Variants in GPBAR1 observed in about 807,000 individuals in gnomAD.
GPBAR1 encodes the protein G-protein coupled bile acid receptor 1.
In GPBAR1, 13 loss-of-function variants were observed where a neutral mutation model predicts 13.0. The observed-to-expected ratio is 1.00, with a 90% CI of 0.65 to 1.59. GPBAR1 has a LOEUF of 1.59. Ranked by LOEUF, GPBAR1 falls within the 40% of genes most tolerant of loss-of-function variation. GPBAR1 has a pLI of 0.00. For missense variants in GPBAR1, 398 were observed against 436.4 expected, an observed-to-expected ratio of 0.91 and a Z score of 0.78; for synonymous variants, 193 against 205.2, an observed-to-expected ratio of 0.94 and a Z score of 0.51.
Position 218,263,161 on chromosome 2 carries a change from G to A in GPBAR1, c.437G>A (p.Trp146Ter). ...LLFASLPALG[W>*]NHWTPGANCS... ...TTTGCCAGTCTGCCCGCTCTGGGGTGGAACCACTGGACCCCTGGTGCCAAC... is the reference window on the plus strand; with the variant it reads ...TTTGCCAGTCTGCCCGCTCTGGGGTAGAACCACTGGACCCCTGGTGCCAAC... Residue 146 changes from tryptophan (W) to a stop codon, truncating the protein, a stop_gained, in exon 2 of 2, where the codon TGG (tryptophan) becomes TAG (stop). Coordinates refer to ENST00000519574, the MANE Select transcript of GPBAR1 (RefSeq NM_170699.3). LOFTEE classifies it high-confidence loss of function. This position sits in a 1 kb window ranked among gnomAD's most constrained non-coding sequence, Gnocchi z 4.2. 2 of 1,611,224 alleles carry A rather than the reference G, an allele frequency of 1.2e-6. No individual in the cohort carries two copies. Among genetic ancestry groups the A allele is most frequent in the Non-Finnish European group, 8.5e-7 (1 of 1,179,844 alleles).
chr2:218,259,825 C>T (rs1199044075), upstream of GPBAR1: 1 of 152,324 alleles, frequency 6.6e-6, no homozygotes, highest in Non-Finnish European at 1.5e-5. Context: ...TGTTCCCTCC[C>T]ATTTCAGGCC....
At position 218,262,474 on chromosome 2, in the gene GPBAR1, T is replaced by C. The variant is rs1690450833; in HGVS notation, c.-45-206T>C. The C allele has an allele frequency of 5.5e-6, 3 of 544,276 alleles. No individual in the cohort carries two copies. The highest frequency in any genetic ancestry group is 3.1e-5 in the East Asian group (1 of 32,760). 33.7% of individuals were successfully genotyped at this position (544,276 alleles called of 1,614,324 possible). On this transcript the variant is annotated intron_variant, in intron 1 of 1. Coordinates refer to ENST00000519574, the MANE Select transcript of GPBAR1 (RefSeq NM_170699.3). The surrounding 1 kb of genome is among the most constrained non-coding windows in gnomAD (Gnocchi z 5.1). ...GCTGGTTGCTACCACACAGGACATA[T>C]GTGTTGCCAGACCTGAATTTTCAAT... is the stretch of plus-strand genomic sequence containing the variant.
rs1690519992 is a variant in GPBAR1, at chr2:218,263,500, CT to C, written c.777del (p.Thr261HisfsTer8). ...TATGAGCAGCGCCCGCCACTGGGGC[CT>C]GGGACACTGTTGTCCCTCCTCTCCC... Reference protein sequence around the residue: ...LAYEQRPPLGPGTLLSLLSLG... With the variant: ...LAYEQRPPLGXGTLLSLLSLG... On this transcript the variant is annotated frameshift_variant, in exon 2 of 2. Coordinates refer to ENST00000519574, the MANE Select transcript of GPBAR1 (RefSeq NM_170699.3). LOFTEE classifies it high-confidence loss of function. This position sits in a 1 kb window ranked among gnomAD's most constrained non-coding sequence, Gnocchi z 4.2. 1.2e-6 allele frequency: 2 copies of C among 1,611,120 alleles called. No individual in the cohort carries two copies.
chr2:218,263,449 C>A lies in GPBAR1; in HGVS notation c.725C>A (p.Ala242Asp). The A allele has an allele frequency of 6.2e-7, 1 of 1,603,864 alleles. No homozygotes were observed. Among genetic ancestry groups the A allele is most frequent in the South Asian group, 1.1e-5 (1 of 89,738 alleles). ...GGGCTGTGCTGGGGGCCCTACGTGGCCACACTGCTCCTCTCAGTCCTGGCC... is the reference window on the plus strand; with the variant it reads ...GGGCTGTGCTGGGGGCCCTACGTGGACACACTGCTCCTCTCAGTCCTGGCC... ...LFGLCWGPYV[A>D]TLLLSVLAYE... Residue 242 changes from alanine to aspartate, a missense_variant, in exon 2 of 2, where the codon GCC (alanine) becomes GAC (aspartate). Ala to Asp is a moderately radical substitution (Grantham distance 126). Coordinates refer to ENST00000519574, the MANE Select transcript of GPBAR1 (RefSeq NM_170699.3). This position sits in a 1 kb window ranked among gnomAD's most constrained non-coding sequence, Gnocchi z 4.2.
Position 218,263,838 on chromosome 2 carries a change from G to C in GPBAR1, c.*121G>C. ...GCCTCTGTTTGACCCCGCACTGACT[G>C]AATAAAGCTCCTCTGGCCGTTTATG... On this transcript the variant is annotated 3_prime_UTR_variant, in exon 2 of 2. Coordinates refer to ENST00000519574, the MANE Select transcript of GPBAR1 (RefSeq NM_170699.3). The surrounding 1 kb of genome is among the most constrained non-coding windows in gnomAD (Gnocchi z 4.2). 1.7e-6 allele frequency: 2 copies of C among 1,167,982 alleles called. No individual in the cohort carries two copies. Among genetic ancestry groups the C allele is most frequent in the Non-Finnish European group, 2.5e-6 (2 of 789,262 alleles). 72.4% of individuals were successfully genotyped at this position (1,167,982 alleles called of 1,614,324 possible). A position where few individuals can be genotyped will look rare whatever the true frequency, so the allele number is the denominator to read the frequency against.
chr2:218,260,433 A>T (rs1361432705), upstream of GPBAR1, among the ~76,000 whole-genome samples: 1 of 152,204 alleles, frequency 6.6e-6, no homozygotes, highest in Non-Finnish European at 1.5e-5. Flanking sequence ...ATTCCCCACC[A>T]CGACCTTAAT....
In GPBAR1 at chr2:218,262,962, C is replaced by T. The variant is rs200126718; in HGVS notation, c.238C>T (p.Arg80Trp). The T allele has an allele frequency of 5.8e-5, 93 of 1,613,796 alleles. No individual in the cohort carries two copies. The highest frequency in any genetic ancestry group is 2.8e-4 in the African/African-American group (21 of 74,896). ...GCCAGGGCTGTGGAACCAGAGTCGC[C>T]GGGGTTACTGGTCCTGCCTCCTCGT... ...TLPGLWNQSR[R>W]GYWSCLLVYL... Residue 80 changes from arginine (R) to tryptophan (W), a missense_variant, in exon 2 of 2, where the codon CGG becomes TGG. Transcript: ENST00000519574. This position sits in a 1 kb window ranked among gnomAD's most constrained non-coding sequence, Gnocchi z 5.1.
In GPBAR1 at chr2:218,263,316, G is replaced by A. The variant is rs781386241; in HGVS notation, c.592G>A (p.Asp198Asn). The A allele has an allele frequency of 3.7e-6, 6 of 1,604,732 alleles. No homozygotes were observed. The highest frequency in any genetic ancestry group is 1.1e-5 in the South Asian group (1 of 90,822). Residue 198 changes from aspartate to asparagine, a missense_variant, in exon 2 of 2, where the codon GAC becomes AAC. Physicochemically the swap from Asp to Asn is conservative, Grantham distance 23. Coordinates refer to ENST00000519574, the MANE Select transcript of GPBAR1 (RefSeq NM_170699.3). This position sits in a 1 kb window ranked among gnomAD's most constrained non-coding sequence, Gnocchi z 4.2. ...GGCCACTGCCCACCGCCAGCTGCAGGACATCTGCCGGCTGGAGCGGGCAGT... is the reference window on the plus strand; with the variant it reads ...GGCCACTGCCCACCGCCAGCTGCAGAACATCTGCCGGCTGGAGCGGGCAGT... Reference protein sequence around the residue: ...VLATAHRQLQDICRLERAVCR... With the variant: ...VLATAHRQLQNICRLERAVCR...
In GPBAR1 at chr2:218,263,799, G is replaced by A; in HGVS notation, c.*82G>A. The A allele has an allele frequency of 6.5e-7, 1 of 1,528,652 alleles. No individual in the cohort carries two copies. The highest frequency in any genetic ancestry group is 9.1e-7 in the Non-Finnish European group (1 of 1,103,820). The allele number at this position is 1,528,652 out of a possible 1,614,324, so 94.7% of individuals were successfully genotyped here. A position where few individuals can be genotyped will look rare whatever the true frequency, so the allele number is the denominator to read the frequency against. Reference sequence around the variant, plus strand: ...TGTCTCTACCGGGCCCCACTTCTCTGGATCAGAGACCCTGCCTCTGTTTGA... The same window carrying A: ...TGTCTCTACCGGGCCCCACTTCTCTAGATCAGAGACCCTGCCTCTGTTTGA... On this transcript the variant is annotated 3_prime_UTR_variant, in exon 2 of 2. Coordinates refer to ENST00000519574, the MANE Select transcript of GPBAR1 (RefSeq NM_170699.3). The surrounding 1 kb of genome is among the most constrained non-coding windows in gnomAD (Gnocchi z 4.2).
chr2:218,262,528 T>G lies in GPBAR1; in HGVS notation c.-45-152T>G, dbSNP rs535922699. 2.5e-5 allele frequency: 15 copies of G among 589,408 alleles called. No individual in the cohort carries two copies. In the South Asian group the frequency reaches 3.6e-4, roughly 14 times the overall value. 36.5% of individuals were successfully genotyped at this position (589,408 alleles called of 1,614,324 possible). ...AACCAAAGATAGTTTTTTATATAAA[T>G]GTTTAATTGGCAATTAATTGAAAAA... On this transcript the variant is annotated intron_variant, in intron 1 of 1. Coordinates refer to ENST00000519574, the MANE Select transcript of GPBAR1 (RefSeq NM_170699.3). This position sits in a 1 kb window ranked among gnomAD's most constrained non-coding sequence, Gnocchi z 5.1.
chr2:218,263,188 G>A lies in GPBAR1; in HGVS notation c.464G>A (p.Cys155Tyr). 5.0e-6 allele frequency: 8 copies of A among 1,610,026 alleles called. No individual in the cohort carries two copies. Among genetic ancestry groups the A allele is most frequent in the Non-Finnish European group, 5.9e-6 (7 of 1,179,858 alleles). ...GWNHWTPGAN[C>Y]SSQAIFPAPY... The stretch of plus-strand genomic sequence containing the variant: ...AACCACTGGACCCCTGGTGCCAACT[G>A]CAGCTCCCAGGCTATCTTCCCAGCC... Residue 155 changes from cysteine to tyrosine, a missense_variant, in exon 2 of 2, where the codon TGC becomes TAC. Physicochemically the swap from Cys to Tyr is radical, Grantham distance 194. Coordinates refer to ENST00000519574, the MANE Select transcript of GPBAR1 (RefSeq NM_170699.3). The surrounding 1 kb of genome is among the most constrained non-coding windows in gnomAD (Gnocchi z 4.2).
chr2:218,262,402 G>C lies in GPBAR1; in HGVS notation c.-45-278G>C. 3.2e-6 allele frequency: 1 copy of C among 313,770 alleles called. No homozygotes were observed. Among genetic ancestry groups the C allele is most frequent in the Non-Finnish European group, 5.9e-6 (1 of 169,382 alleles). The allele number at this position is 313,770 out of a possible 1,614,324, so 19.4% of individuals were successfully genotyped here. A position where few individuals can be genotyped will look rare whatever the true frequency, so the allele number is the denominator to read the frequency against. Reference sequence around the variant, plus strand: ...AAGGCAGATACCAGAAATGGATAAAGCTGGCTGGGTGGGGACTGTCCGAAG... The same window carrying C: ...AAGGCAGATACCAGAAATGGATAAACCTGGCTGGGTGGGGACTGTCCGAAG... On this transcript the variant is annotated intron_variant, in intron 1 of 1. Coordinates refer to ENST00000519574, the MANE Select transcript of GPBAR1 (RefSeq NM_170699.3). This position sits in a 1 kb window ranked among gnomAD's most constrained non-coding sequence, Gnocchi z 5.1.
At position 218,263,403 on chromosome 2, in the gene GPBAR1, G is replaced by C. The variant is rs200828743; in HGVS notation, c.679G>C (p.Ala227Pro). The C allele has an allele frequency of 2.5e-6, 4 of 1,600,440 alleles. No individual in the cohort carries two copies. The highest frequency in any genetic ancestry group is 3.4e-6 in the Non-Finnish European group (4 of 1,174,854). ...ALTWRQARAQ[A>P]GAMLLFGLCW... is the part of the protein sequence containing the mutation. ...TACCTGGAGGCAGGCAAGGGCACAG[G>C]CTGGAGCCATGCTGCTCTTCGGGCT... Residue 227 changes from alanine (A) to proline (P), a missense_variant, in exon 2 of 2, where the codon GCT becomes CCT. By Grantham distance (27) the Ala-to-Pro change is conservative. Coordinates refer to ENST00000519574, the MANE Select transcript of GPBAR1 (RefSeq NM_170699.3). The surrounding 1 kb of genome is among the most constrained non-coding windows in gnomAD (Gnocchi z 4.2).
chr2:218,263,028 A>G lies in GPBAR1; in HGVS notation c.304A>G (p.Asn102Asp), dbSNP rs1227461281. 1 of 1,613,684 alleles carries G rather than the reference A, an allele frequency of 6.2e-7. No homozygotes were observed. Among genetic ancestry groups the G allele is most frequent in the Non-Finnish European group, 8.5e-7 (1 of 1,179,820 alleles). ...CTTCTCCTTCCTCTCCCTGCTTGCC[A>G]ACCTCTTGCTGGTGCACGGGGAGCG... The part of the protein sequence containing the change: ...PNFSFLSLLA[N>D]LLLVHGERYM... Residue 102 changes from asparagine to aspartate, a missense_variant, in exon 2 of 2, where the codon AAC (asparagine) becomes GAC (aspartate). Coordinates refer to ENST00000519574, the MANE Select transcript of GPBAR1 (RefSeq NM_170699.3). The surrounding 1 kb of genome is among the most constrained non-coding windows in gnomAD (Gnocchi z 4.2).
rs577278735 is a variant in GPBAR1 at position 218,263,857 on chromosome 2, G to A, written c.*140G>A. The A allele has an allele frequency of 1.6e-5, 15 of 955,866 alleles. No homozygotes were observed. The highest frequency in any genetic ancestry group is 2.6e-4 in the Middle Eastern group (1 of 3,846). 59.2% of individuals were successfully genotyped at this position (955,866 alleles called of 1,614,324 possible). On this transcript the variant is annotated 3_prime_UTR_variant, in exon 2 of 2. Transcript: ENST00000519574. The surrounding 1 kb of genome is among the most constrained non-coding windows in gnomAD (Gnocchi z 4.2). ...CTGACTGAATAAAGCTCCTCTGGCCGTTTATGATTATCTCATTCCATATCT... is the reference window on the plus strand; with the variant it reads ...CTGACTGAATAAAGCTCCTCTGGCCATTTATGATTATCTCATTCCATATCT...
At position 218,263,441 on chromosome 2, in the gene GPBAR1, C is replaced by T. The variant is rs774695406; in HGVS notation, c.717C>T (p.Pro239=). ...TGCTCTTCGGGCTGTGCTGGGGGCC[C>T]TACGTGGCCACACTGCTCCTCTCAG... ...AMLLFGLCWG[P]YVATLLLSVL... is the part of the protein sequence containing the mutation. Residue 239 remains proline (P), a synonymous_variant, in exon 2 of 2, where the codon CCC becomes CCT. Transcript: ENST00000519574. This position sits in a 1 kb window ranked among gnomAD's most constrained non-coding sequence, Gnocchi z 4.2. 8 of 1,602,650 alleles carry T rather than the reference C, an allele frequency of 5.0e-6. No homozygotes were observed. The African/African-American group carries it at 1.1e-4, about 21-fold the overall frequency.
chr2:218,260,875 TAGGTGGCAGGGGGAG>T (rs998516795), upstream of GPBAR1: 1 of 151,992 alleles, frequency 6.6e-6, no homozygotes, highest in African/African-American at 2.4e-5. Context: ...AACTGCCACC[TAGGTGGCAGGGGGAG>T]AGGGGAACTG....
At chr2:218,261,495 A>C (rs1690413176) in intron 1 of GPBAR1, among the ~76,000 whole-genome samples, 1 of 152,206 alleles carries the variant, frequency 6.6e-6, no homozygotes, top group African/African-American at 2.4e-5. Context: ...GCCCTGGGAA[A>C]GGGAACAGAA....
Position 218,263,268 on chromosome 2 carries a change from G to C in GPBAR1, c.544G>C (p.Ala182Pro), listed in dbSNP as rs1370176927. Reference sequence around the variant, plus strand: ...CCTGCTGCCCGCCGTGGGTGCTGCTGCCTTCCTCTCTGTCCGCGTGCTGGC... The same window carrying C: ...CCTGCTGCCCGCCGTGGGTGCTGCTCCCTTCCTCTCTGTCCGCGTGCTGGC... ...GLLLPAVGAAAFLSVRVLATA... is the reference protein window; with the variant it reads ...GLLLPAVGAAPFLSVRVLATA... Residue 182 changes from alanine to proline, a missense_variant, in exon 2 of 2, where the codon GCC becomes CCC. Physicochemically the swap from Ala to Pro is conservative, Grantham distance 27. Transcript: ENST00000519574. The surrounding 1 kb of genome is among the most constrained non-coding windows in gnomAD (Gnocchi z 4.2). 1.9e-6 allele frequency: 3 copies of C among 1,607,484 alleles called. No homozygotes were observed. In the East Asian group the frequency reaches 6.7e-5, roughly 36 times the overall value.
Sources: gnomAD v4.1 joint callset for allele counts (sites outside exome capture counted in the v4.1 genomes callset) on GRCh38, gnomAD v4.1.1 for gene constraint, Gnocchi (gnomAD v3.1) non-coding constraint, MANE v1.5 for transcripts, NCBI Gene and HGNC (gene_info 2026-07-23, HGNC 2026-07-21) for gene names.